FRMD1: variants seen among roughly 807,000 people sequenced by gnomAD.
FRMD1 encodes the protein FERM domain containing 1, also known as FERM domain-containing protein 1.
Under a neutral mutation model 54.9 loss-of-function variants are expected in FRMD1, and 51 were observed. The observed-to-expected ratio is 0.93, with a 90% CI of 0.74 to 1.17. The LOEUF (loss-of-function observed/expected upper bound fraction) is 1.17, where lower values mean the gene tolerates loss of function less well. Ranked by LOEUF, FRMD1 falls within the 50% of genes most tolerant of loss-of-function variation. The pLI is 0.00. For missense variants in FRMD1, 729 were observed against 743.0 expected (o/e 0.98, Z 0.22); for synonymous variants, 324 against 306.4 (o/e 1.06, Z -0.60).
Position 168,062,949 on chromosome 6 carries a change from T to A in FRMD1, c.815A>T (p.Glu272Val). Residue 272 changes from glutamate (E) to valine (V), a missense_variant, in exon 7 of 11, where the codon GAA (glutamate) becomes GTA (valine). Physicochemically the swap from Glu to Val is moderately radical, Grantham distance 121 (BLOSUM62 -2). Transcript: ENST00000283309. ...TCCCAGGATCACGGTGGGACGACCT[T>A]CCTTCTTATCCTAGAGGACACAGGT... is the stretch of plus-strand genomic sequence containing the variant. Reference protein sequence around the residue: ...HFFRLHKDKKEGRPTVILGLA... With the variant: ...HFFRLHKDKKVGRPTVILGLA... The A allele has an allele frequency of 1.2e-6, 2 of 1,613,946 alleles. No individual in the cohort carries two copies. The highest frequency in any genetic ancestry group is 1.7e-6 in the Non-Finnish European group (2 of 1,179,860).
chr6:168,080,132 C>T (rs760377614), upstream of FRMD1, among the ~76,000 whole-genome samples: 11 of 152,124 alleles, frequency 7.2e-5, no homozygotes, highest in African/African-American at 1.4e-4. Context: ...TTAGGAAATT[C>T]GCACTCCAGC....
rs547107649 is a variant in FRMD1 at position 168,076,637 on chromosome 6, C to A, written c.214-1302G>T. 8.5e-5 allele frequency among the ~76,000 whole-genome samples: 13 copies of A among 152,328 alleles called. No homozygotes were observed. In the South Asian group the frequency reaches 2.7e-3, roughly 32 times the overall value. On this transcript the variant is annotated intron_variant, in intron 1 of 10. Transcript: ENST00000283309. ...ATGACTGTAAGTTTCCTGAGGCCTC[C>A]CCAGCCATGTGGAACTGTGAGTCAA...
intron 1 of FRMD1, 95 bp downstream of exon 1, chr6:168,078,785 CGG>C: frequency 9.1e-5 from 8 of 88,004 alleles, no homozygotes; most frequent in South Asian, 4.7e-4. Flanking sequence ...CTCACCCCCA[CGG>C]CCACCCAGGG....
At chr6:168,060,738 C>T in intron 9 of FRMD1, 23 bp downstream of exon 9, 1 of 1,595,088 alleles carries the variant, frequency 6.3e-7, no homozygotes. Flanking sequence ...TCCCTGAGGC[C>T]TGGGCATCTC....
chr6:168,058,195 A>C (rs1167443221), intron 10 of FRMD1, among the ~76,000 whole-genome samples: 1 of 119,644 alleles, frequency 8.4e-6, no homozygotes. Flanking sequence ...TTCTCTCTCC[A>C]TCCAGCCTCC....
chr6:168,077,196 C>T (rs59637828), intron 1 of FRMD1, among the ~76,000 whole-genome samples: 1 of 152,072 alleles, frequency 6.6e-6, no homozygotes, highest in Non-Finnish European at 1.5e-5. Context: ...ATAGAGGGTT[C>T]CTCTCCTACT....
Position 168,061,988 on chromosome 6 carries a change from A to G in FRMD1, c.871-7T>C. The G allele has an allele frequency of 6.3e-7, 1 of 1,588,480 alleles. No homozygotes were observed. Among genetic ancestry groups the G allele is most frequent in the East Asian group, 2.3e-5 (1 of 43,540 alleles). ...GGATCTCCAGCTTCTTTCCCTGAGC[A>G]AACAGGAGAGAAGTTGCCACTCCAC... On this transcript the variant is annotated splice_polypyrimidine_tract_variant and splice_region_variant and intron_variant, in intron 7 of 10. Transcript: ENST00000283309.
upstream of FRMD1, chr6:168,081,671 C>A (rs78336212): frequency 0.071 from 44,648 of 626,894 alleles, 1,558 homozygotes; most frequent in Non-Finnish European, 0.076. Flanking sequence ...GAAGGCAGAA[C>A]TGACACAGGC....
chr6:168,076,181 G>A (rs1376094109), intron 1 of FRMD1, among the ~76,000 whole-genome samples: 2 of 152,194 alleles, frequency 1.3e-5, no homozygotes, highest in East Asian at 3.9e-4. Context: ...GTTGCCGTGC[G>A]CTCTGCTCTC....
At chr6:168,064,735 G>T in intron 5 of FRMD1, 136 bp downstream of exon 5, 1 of 1,415,230 alleles carries the variant, frequency 7.1e-7, no homozygotes, top group South Asian at 1.5e-5. Context: ...ACAGGTGATT[G>T]CCCTGTTTCC....
chr6:168,058,164 A>T (rs1410365129), intron 10 of FRMD1, among the ~76,000 whole-genome samples: 2 of 145,890 alleles, frequency 1.4e-5, no homozygotes, highest in Non-Finnish European at 3.0e-5. Flanking sequence ...CTCTCCATCC[A>T]GCCTCCGGTG....
upstream of FRMD1, among the ~76,000 whole-genome samples, chr6:168,085,640 G>A (rs544894708): frequency 5.5e-4 from 84 of 152,308 alleles, no homozygotes; most frequent in African/African-American, 2.0e-3. Context: ...TGGACGGAAG[G>A]GCGTGGCCAC....
rs146543891 is a variant in FRMD1, at chr6:168,071,864, G to A, written c.304+3381C>T. Among the ~76,000 whole-genome samples the A allele has an allele frequency of 3.2e-3, 495 of 152,332 alleles. 9 individuals carry two copies. The highest frequency in any genetic ancestry group is 0.023 in the East Asian group (120 of 5,168). Reference sequence around the variant, plus strand: ...TCCTGTTGCTCAAGGCTGTCCCAGCGCTGCAGGCCCTCATCCTGTGCTGAC... The same window carrying A: ...TCCTGTTGCTCAAGGCTGTCCCAGCACTGCAGGCCCTCATCCTGTGCTGAC... On this transcript the variant is annotated intron_variant, in intron 2 of 10. Transcript: ENST00000283309.
intron 2 of FRMD1, among the ~76,000 whole-genome samples, chr6:168,072,440 C>A (rs549785381): frequency 1.3e-5 from 2 of 152,218 alleles, no homozygotes; most frequent in African/African-American, 4.8e-5. Flanking sequence ...CCACAGCGAC[C>A]CGCCCTGTGC....
chr6:168,079,884 C>T (rs566522730), upstream of FRMD1, among the ~76,000 whole-genome samples: 7 of 152,314 alleles, frequency 4.6e-5, no homozygotes, highest in East Asian at 5.8e-4. Flanking sequence ...AGATGAGCAA[C>T]GCCTTCGAGC....
chr6:168,072,369 C>A (rs73028343), intron 2 of FRMD1, among the ~76,000 whole-genome samples: 5,800 of 152,332 alleles, frequency 0.038, 120 homozygotes, highest in East Asian at 0.062. Context: ...TAGGGCTGAA[C>A]TCCCCGTGCC....
chr6:168,066,777 C>G lies in FRMD1; in HGVS notation c.439G>C (p.Val147Leu). 6.2e-7 allele frequency: 1 copy of G among 1,614,014 alleles called. No homozygotes were observed. Among genetic ancestry groups the G allele is most frequent in the African/African-American group, 1.3e-5 (1 of 75,036 alleles). Residue 147 changes from valine to leucine, a missense_variant, in exon 4 of 11, where the codon GTG (valine) becomes CTG (leucine). Val to Leu is a conservative substitution (Grantham distance 32). Transcript: ENST00000283309. ...TACCTTATGACCCTTCCGTTTTCCA[C>G]GTAGTGCTGCACTCGGAGGAAGGCC... ...FVAFLRVQHY[V>L]ENGRVISDHR...
At chr6:168,078,624 C>A (rs1216472022) in intron 1 of FRMD1, among the ~76,000 whole-genome samples, 1 of 134,794 alleles carries the variant, frequency 7.4e-6, no homozygotes, top group Non-Finnish European at 1.6e-5. Context: ...CCCTGCTCAC[C>A]CCCACAGCCT....
chr6:168,092,142 T>G (rs895432443), intron 1 of FRMD1, among the ~76,000 whole-genome samples: 4 of 152,260 alleles, frequency 2.6e-5, no homozygotes, highest in African/African-American at 9.6e-5. Context: ...TCGCCAAGGA[T>G]GCACCTGTGT....
Sources: gnomAD v4.1 joint callset for allele counts (sites outside exome capture counted in the v4.1 genomes callset) on GRCh38, gnomAD v4.1.1 for gene constraint, MANE v1.5 for transcripts, NCBI Gene and HGNC (gene_info 2026-07-23, HGNC 2026-07-21) for gene names.